Variants in IL34 observed in about 807,000 individuals in gnomAD.
IL34 encodes the protein interleukin 34.
Under a neutral mutation model 25.3 loss-of-function variants are expected in IL34, and 17 were observed. The ratio of observed to expected loss-of-function variants is 0.67; its 90% confidence interval spans 0.46 to 1.01. IL34 has a LOEUF of 1.01. Ranked by LOEUF, IL34 falls within the 50% of genes least tolerant of loss-of-function variation. IL34 has a pLI of 0.00. For synonymous variants in IL34, 174 were observed against 140.9 expected (o/e 1.23, Z -1.66); for missense variants, 368 against 312.9 (o/e 1.18, Z -1.33).
chr16:70,656,567 T>C (rs1466472146), intron 2 of IL34, 35 bp from the exon 3 acceptor site: 2 of 929,536 alleles, frequency 2.2e-6, no homozygotes, highest in Admixed American at 3.4e-5. Flanking sequence ...TCATTTCTAC[T>C]TCTGGCCTCA....
At chr16:70,594,955 C>CTTTT (rs113922793) in intron 1 of IL34, among the ~76,000 whole-genome samples, 2 of 124,912 alleles carry the variant, frequency 1.6e-5, no homozygotes, top group Non-Finnish European at 3.1e-5. Flanking sequence ...CTCTCTCTCT[C>CTTTT]TTTTTTTTTT....
chr16:70,625,867 C>G (rs887091914), intron 1 of IL34, among the ~76,000 whole-genome samples: 1 of 152,124 alleles, frequency 6.6e-6, no homozygotes, highest in African/African-American at 2.4e-5. Flanking sequence ...GGCCACTTAC[C>G]GGATTTGAAA....
At chr16:70,593,927 A>G (rs1191136024) in intron 1 of IL34, among the ~76,000 whole-genome samples, 1 of 152,164 alleles carries the variant, frequency 6.6e-6, no homozygotes, top group African/African-American at 2.4e-5. Context: ...CTCCTTTGTC[A>G]AAGATCAGTT....
intron 1 of IL34, among the ~76,000 whole-genome samples, chr16:70,592,376 C>T (rs2050766570): frequency 6.6e-6 from 1 of 152,118 alleles, no homozygotes; most frequent in Non-Finnish European, 1.5e-5. Flanking sequence ...GAAGGCCCCT[C>T]CTCTCTCTGC....
intron 1 of IL34, among the ~76,000 whole-genome samples, chr16:70,612,127 C>T (rs1183024066): frequency 1.3e-5 from 2 of 152,188 alleles, no homozygotes; most frequent in East Asian, 1.9e-4. Context: ...GAGCCAGCCT[C>T]CAACAGGCCG....
intron 1 of IL34, among the ~76,000 whole-genome samples, chr16:70,590,527 C>T (rs1015370499): frequency 1.3e-5 from 2 of 152,118 alleles, no homozygotes; most frequent in African/African-American, 4.8e-5. Context: ...AGGTGGTGCT[C>T]GGGTCAGAGG....
chr16:70,597,536 C>T (rs1356644181), intron 1 of IL34, among the ~76,000 whole-genome samples: 1 of 152,140 alleles, frequency 6.6e-6, no homozygotes, highest in African/African-American at 2.4e-5. Flanking sequence ...GCCTCTAGCC[C>T]AGTTTTTTAG....
At chr16:70,648,140 T>C (rs972972699) in intron 1 of IL34, among the ~76,000 whole-genome samples, 8 of 151,856 alleles carry the variant, frequency 5.3e-5, no homozygotes, top group Non-Finnish European at 1.2e-4. Flanking sequence ...CCGGCGGGGG[T>C]GGAATCGTGA....
At chr16:70,635,827 G>A (rs1035709817) in intron 1 of IL34, among the ~76,000 whole-genome samples, 7 of 152,050 alleles carry the variant, frequency 4.6e-5, no homozygotes, top group Admixed American at 6.6e-5. Context: ...TACCAAGATA[G>A]CATGTACTGT....
intron 1 of IL34, among the ~76,000 whole-genome samples, chr16:70,593,648 C>T (rs576521894): frequency 6.6e-6 from 1 of 152,248 alleles, no homozygotes; most frequent in South Asian, 2.1e-4. Flanking sequence ...TCCCGAGTAG[C>T]TGGGACTACA....
chr16:70,604,799 C>T lies in IL34; in HGVS notation c.-401+24750C>T, dbSNP rs73573187. 7.2e-4 allele frequency among the ~76,000 whole-genome samples: 110 copies of T among 152,284 alleles called. 1 individual carries two copies. Among genetic ancestry groups the T allele is most frequent in the African/African-American group, 2.3e-3 (96 of 41,560 alleles). On this transcript the variant is annotated intron_variant, in intron 1 of 6. Coordinates refer to the IL34 transcript ENST00000429149. The stretch of plus-strand genomic sequence containing the variant: ...TACTTCCAGTAGGCTAAAGGAAGAG[C>T]GGGGACCGAGGGCCTGGGGACACAG...
chr16:70,580,522 G>A (rs938278957), intron 1 of IL34, among the ~76,000 whole-genome samples: 11 of 152,240 alleles, frequency 7.2e-5, no homozygotes, highest in African/African-American at 2.4e-4. Context: ...GCTCACGCCT[G>A]TAATCTGTAA....
intron 1 of IL34, among the ~76,000 whole-genome samples, chr16:70,593,384 T>G (rs1363115432): frequency 8.5e-5 from 13 of 152,188 alleles, no homozygotes; most frequent in Non-Finnish European, 7.3e-5. Flanking sequence ...TTTCTTCCTA[T>G]GTTATCTTCT....
chr16:70,590,802 A>C (rs1216271258), intron 1 of IL34, among the ~76,000 whole-genome samples: 2 of 152,124 alleles, frequency 1.3e-5, no homozygotes, highest in African/African-American at 4.8e-5. Context: ...CCTGGGTGGA[A>C]GTCTCCCAAA....
intron 1 of IL34, among the ~76,000 whole-genome samples, chr16:70,608,658 G>A (rs1011835300): frequency 3.9e-5 from 6 of 152,230 alleles, no homozygotes; most frequent in Non-Finnish European, 7.3e-5. Flanking sequence ...GAGCAGCACA[G>A]GTGAGTCAGC....
At chr16:70,595,962 G>A (rs950274566) in intron 1 of IL34, among the ~76,000 whole-genome samples, 1 of 151,202 alleles carries the variant, frequency 6.6e-6, no homozygotes, top group African/African-American at 2.4e-5. Context: ...AGTGAGCTGA[G>A]ATTGTGCCAC....
chr16:70,630,959 G>T (rs2051505074), intron 1 of IL34, among the ~76,000 whole-genome samples: 1 of 152,162 alleles, frequency 6.6e-6, no homozygotes, highest in Admixed American at 6.5e-5. Context: ...AAACATGGGA[G>T]TGCCGATATG....
chr16:70,648,089 C>A (rs1458540040), intron 1 of IL34, among the ~76,000 whole-genome samples: 1 of 152,166 alleles, frequency 6.6e-6, no homozygotes, highest in South Asian at 2.1e-4. Context: ...GCAAAGTGTG[C>A]CTCCCTCCCC....
At chr16:70,645,162 A>T (rs561361010), upstream of IL34, among the ~76,000 whole-genome samples, 2 of 148,640 alleles carry the variant, frequency 1.3e-5, no homozygotes. Flanking sequence ...GAGGAAGAGA[A>T]GGAGGAAGAG....
Sources: allele counts gnomAD v4.1 joint callset (sites outside exome capture counted in the v4.1 genomes callset), GRCh38; gene constraint gnomAD v4.1.1; transcripts MANE v1.5; gene names NCBI Gene and HGNC (gene_info 2026-07-23, HGNC 2026-07-21).